MTAP: variants seen among roughly 807,000 people sequenced by gnomAD.
The protein encoded by MTAP is S-methyl-5'-thioadenosine phosphorylase.
Under a neutral mutation model 33.6 loss-of-function variants are expected in MTAP, and 33 were observed. That is an observed-to-expected ratio of 0.98 (90% CI 0.74 to 1.31). The LOEUF (loss-of-function observed/expected upper bound fraction) is 1.31. Ranked by LOEUF, MTAP falls within the 40% of genes most tolerant of loss-of-function variation. The pLI is 0.00. For missense variants in MTAP, 367 were observed against 360.0 expected (o/e 1.02, Z -0.16); for synonymous variants, 148 against 125.7 (o/e 1.18, Z -1.19).
chr9:21,846,867 A>G lies in MTAP; in HGVS notation c.451-7764A>G, dbSNP rs568692322. Among the ~76,000 whole-genome samples, 18 of 152,334 alleles carry G rather than the reference A, an allele frequency of 1.2e-4. No individual in the cohort carries two copies. In the South Asian group the frequency reaches 3.7e-3, roughly 32 times the overall value. On this transcript the variant is annotated intron_variant, in intron 5 of 7. Coordinates refer to ENST00000644715, the MANE Select transcript of MTAP (RefSeq NM_002451.4). ...TGACCAATGAGTGAATAAAGAAAAT[A>G]TGGTATATATACAGCATGGGTGTGA... is the stretch of plus-strand genomic sequence containing the variant.
chr9:21,815,329 G>T, intron 1 of MTAP, 104 bp from the exon 2 acceptor site: 1 of 694,850 alleles, frequency 1.4e-6, no homozygotes, highest in South Asian at 2.3e-5. Flanking sequence ...ACTAGGGCTT[G>T]GCAGGAATGG....
chr9:21,878,773 T>C (rs1269181293), intron 1 of MTAP, among the ~76,000 whole-genome samples: 2 of 152,234 alleles, frequency 1.3e-5, no homozygotes, highest in Non-Finnish European at 1.5e-5. Flanking sequence ...CTCATTAGTT[T>C]CAAGGAACTT....
intron 1 of MTAP, among the ~76,000 whole-genome samples, chr9:21,804,190 G>A (rs1020434747): frequency 2.0e-5 from 3 of 152,196 alleles, no homozygotes; most frequent in Non-Finnish European, 4.4e-5. Context: ...TTATTAAGTG[G>A]TAGTGCTTAT....
Position 21,866,847 on chromosome 9 carries a change from G to T in MTAP, c.*4833G>T, listed in dbSNP as rs183974744. The T allele has an allele frequency of 6.6e-6, 1 of 152,154 alleles. No homozygotes were observed. Among genetic ancestry groups the T allele is most frequent in the East Asian group, 1.9e-4 (1 of 5,178 alleles). The allele number at this position is 152,154 out of a possible 1,614,324, so 9.4% of individuals were successfully genotyped here. On this transcript the variant is annotated 3_prime_UTR_variant, in exon 8 of 8. Coordinates refer to ENST00000644715, the MANE Select transcript of MTAP (RefSeq NM_002451.4). ...ACCTTTCAATCGATGGACATGGTATGTTTCTGCATTTATTTGGGCCTTTTA... is the reference window on the plus strand; with the variant it reads ...ACCTTTCAATCGATGGACATGGTATTTTTCTGCATTTATTTGGGCCTTTTA...
intron 1 of MTAP, among the ~76,000 whole-genome samples, chr9:21,911,442 G>A (rs184406458): frequency 4.6e-5 from 7 of 152,304 alleles, no homozygotes; most frequent in Admixed American, 4.6e-4. Context: ...TCAGACCACA[G>A]TGCAATCAAA....
chr9:21,809,156 A>T (rs1824282267), intron 1 of MTAP, among the ~76,000 whole-genome samples: 2 of 151,806 alleles, frequency 1.3e-5, no homozygotes, highest in Admixed American at 6.6e-5. Flanking sequence ...TCCTCATTTG[A>T]CCTTCTTGCC....
At chr9:21,875,430 T>C (rs1308031514) in intron 1 of MTAP, among the ~76,000 whole-genome samples, 1 of 152,194 alleles carries the variant, frequency 6.6e-6, no homozygotes, top group Non-Finnish European at 1.5e-5. Flanking sequence ...TCGCCCACTT[T>C]TTGATGGGGT....
chr9:21,881,622 A>G (rs1199095677), intron 1 of MTAP, among the ~76,000 whole-genome samples: 6 of 152,078 alleles, frequency 3.9e-5, no homozygotes, highest in Non-Finnish European at 7.4e-5. Context: ...ACCAATAAAC[A>G]TGCATTGCTG....
chr9:21,914,047 C>T (rs1440162932), intron 1 of MTAP, among the ~76,000 whole-genome samples: 5 of 152,070 alleles, frequency 3.3e-5, no homozygotes, highest in Non-Finnish European at 7.4e-5. Context: ...TCATCACTGG[C>T]CATCAGAGAA....
chr9:21,835,480 A>G (rs1311159497), intron 4 of MTAP, among the ~76,000 whole-genome samples: 2 of 152,170 alleles, frequency 1.3e-5, no homozygotes, highest in Non-Finnish European at 2.9e-5. Context: ...ATATAGAATC[A>G]TATTTCTATA....
At chr9:21,877,340 GCTCT>G (rs1241372643) in intron 1 of MTAP, among the ~76,000 whole-genome samples, 1 of 152,046 alleles carries the variant, frequency 6.6e-6, no homozygotes, top group Admixed American at 6.6e-5. Context: ...CTATTTAGAT[GCTCT>G]CTATTTCTTG....
intron 4 of MTAP, among the ~76,000 whole-genome samples, chr9:21,822,480 C>G (rs1824668806): frequency 6.6e-6 from 1 of 152,176 alleles, no homozygotes; most frequent in South Asian, 2.1e-4. Flanking sequence ...TTTGATTGCA[C>G]TGTGGTCTGA....
At position 21,854,738 on chromosome 9, in the gene MTAP, C is replaced by T; in HGVS notation, c.558C>T (p.Phe186=). Residue 186 remains phenylalanine (F), a synonymous_variant, in exon 6 of 8, where the codon TTC becomes TTT. Coordinates refer to ENST00000644715, the MANE Select transcript of MTAP (RefSeq NM_002451.4). ...GCTCCCGGGCAGAAAGCTTCATGTT[C>T]CGCACCTGGGGGGCGGATGTTATCA... ...RFSSRAESFM[F]RTWGADVINM... The T allele has an allele frequency of 1.2e-6, 2 of 1,614,148 alleles. No individual in the cohort carries two copies. The highest frequency in any genetic ancestry group is 1.7e-6 in the Non-Finnish European group (2 of 1,179,992).
At chr9:21,834,908 A>T (rs1276264537) in intron 4 of MTAP, among the ~76,000 whole-genome samples, 1 of 152,108 alleles carries the variant, frequency 6.6e-6, no homozygotes, top group African/African-American at 2.4e-5. Flanking sequence ...TAGCCACTGG[A>T]GGTTTTTGCA....
Position 21,862,428 on chromosome 9 carries a change from A to G in MTAP, c.*414A>G, listed in dbSNP as rs1381404567. 1 of 157,816 alleles carries G rather than the reference A, an allele frequency of 6.3e-6. No homozygotes were observed. The highest frequency in any genetic ancestry group is 1.9e-4 in the East Asian group (1 of 5,366). The allele number at this position is 157,816 out of a possible 1,614,324, so 9.8% of individuals were successfully genotyped here. A position where few individuals can be genotyped will look rare whatever the true frequency, so the allele number is the denominator to read the frequency against. On this transcript the variant is annotated 3_prime_UTR_variant, in exon 8 of 8. Transcript: ENST00000644715. ...ATTGGTACAGTATTTCTGGAGGGCA[A>G]TTTGGTAAAATGCATCAAAAGACTT...
In MTAP at chr9:21,865,865, C is replaced by G. The variant is rs76751525; in HGVS notation, c.*3851C>G. The G allele has an allele frequency of 2.7e-3, 2,223 of 810,602 alleles. 34 individuals carry two copies. In the African/African-American group the frequency reaches 0.038, roughly 14 times the overall value. 50.2% of individuals were successfully genotyped at this position (810,602 alleles called of 1,614,324 possible). ...GCCTTTTTTATTGCCTAGTAGTATT[C>G]TGTCATATGCCTATCTTACAATTTG... On this transcript the variant is annotated 3_prime_UTR_variant, in exon 8 of 8. Coordinates refer to ENST00000644715, the MANE Select transcript of MTAP (RefSeq NM_002451.4).
chr9:21,901,524 A>G (rs1218057970), intron 1 of MTAP, among the ~76,000 whole-genome samples: 1 of 152,196 alleles, frequency 6.6e-6, no homozygotes, highest in African/African-American at 2.4e-5. Flanking sequence ...GGCTACTTGC[A>G]TTTTGCTAGT....
intron 1 of MTAP, among the ~76,000 whole-genome samples, chr9:21,905,710 AC>A (rs770020047): frequency 6.6e-6 from 1 of 152,200 alleles, no homozygotes; most frequent in Non-Finnish European, 1.5e-5. Flanking sequence ...AGCTTCTGTT[AC>A]TAGGAATCAA....
At chr9:21,810,819 G>A (rs1824327427) in intron 1 of MTAP, among the ~76,000 whole-genome samples, 1 of 152,146 alleles carries the variant, frequency 6.6e-6, no homozygotes, top group Admixed American at 6.5e-5. Context: ...ACCTACAAGG[G>A]TGGCCTACAG....
Sources: gnomAD v4.1 joint callset for allele counts (sites outside exome capture counted in the v4.1 genomes callset) on GRCh38, gnomAD v4.1.1 for gene constraint, MANE v1.5 for transcripts, NCBI Gene and HGNC (gene_info 2026-07-23, HGNC 2026-07-21) for gene names.